Variants in ZBTB1 observed in about 807,000 individuals in gnomAD.
ZBTB1 encodes zinc finger and BTB domain containing 1.
In ZBTB1, 13 loss-of-function variants were observed where a neutral mutation model predicts 51.6. The ratio of observed to expected loss-of-function variants is 0.25; its 90% CI spans 0.16 to 0.40. ZBTB1 has a LOEUF of 0.40. Ranked by LOEUF, ZBTB1 falls within the 10% of genes least tolerant of loss-of-function variation. The pLI, the probability that ZBTB1 is intolerant of heterozygous loss-of-function variation, is 1.00. For missense variants in ZBTB1, 567 were observed against 856.5 expected (o/e 0.66, Z 4.22); for synonymous variants, 240 against 282.2 (o/e 0.85, Z 1.50).
chr14:64,520,862 CT>C (rs146222409), intron 1 of ZBTB1, among the ~76,000 whole-genome samples: 80 of 141,872 alleles, frequency 5.6e-4, no homozygotes, highest in Admixed American at 7.1e-4. Context: ...GAGTTGTTTT[CT>C]TTTTTTTTTT....
chr14:64,523,250 G>A lies in ZBTB1; in HGVS notation c.1746G>A (p.Leu582=). The part of the protein sequence containing the change: ...RDHRRKHFCN[L]CGKGFYQRCH... ...ACAGACGAAAGCATTTTTGTAATCT[G>A]TGTGGAAAAGGATTTTATCAGCGGT... Residue 582 remains leucine (L), a synonymous_variant, in exon 2 of 2, where the codon CTG becomes CTA. Transcript: ENST00000683701. The surrounding 1 kb of genome is among the most constrained non-coding windows in gnomAD (Gnocchi z 4.5). 2 of 1,614,152 alleles carry A rather than the reference G, an allele frequency of 1.2e-6. No homozygotes were observed. Among genetic ancestry groups the A allele is most frequent in the South Asian group, 2.2e-5 (2 of 91,082 alleles).
chr14:64,514,075 A>G lies in ZBTB1; in HGVS notation c.-18-7412A>G, dbSNP rs143510445. On this transcript the variant is annotated intron_variant, in intron 1 of 1. Transcript: ENST00000683701. Reference sequence around the variant, plus strand: ...CACCCTCCATTTCAATGCTCTATCCAGTGTTAGGAACATTATGAGTATTCA... The same window carrying G: ...CACCCTCCATTTCAATGCTCTATCCGGTGTTAGGAACATTATGAGTATTCA... The G allele has an allele frequency of 1.0e-3, 157 of 152,322 alleles. 1 individual carries two copies. Among genetic ancestry groups the G allele is most frequent in the African/African-American group, 3.6e-3 (151 of 41,572 alleles). The allele number at this position is 152,322 out of a possible 1,614,324, so 9.4% of individuals were successfully genotyped here.
chr14:64,517,781 A>ATATATATATATTTTTTT (rs1160337478), intron 1 of ZBTB1, among the ~76,000 whole-genome samples: 3 of 41,560 alleles, frequency 7.2e-5, no homozygotes, highest in Admixed American at 3.3e-4. Context: ...ATATATATAT[A>ATATATATATATTTTTTT]TTTTTTTTTT....
chr14:64,529,390 C>T (rs2079926993), downstream of ZBTB1, among the ~76,000 whole-genome samples: 1 of 152,140 alleles, frequency 6.6e-6, no homozygotes, highest in Admixed American at 6.5e-5. Context: ...GGACTCAAAT[C>T]ATTTGAAAAT....
At chr14:64,515,578 T>TG (rs1181187964) in intron 1 of ZBTB1, among the ~76,000 whole-genome samples, 1 of 150,916 alleles carries the variant, frequency 6.6e-6, no homozygotes, top group Non-Finnish European at 1.5e-5. Context: ...TGGAGTGCAG[T>TG]GGCACAGTCT....
intron 1 of ZBTB1, among the ~76,000 whole-genome samples, chr14:64,515,622 G>A (rs1007404285): frequency 6.7e-6 from 1 of 150,312 alleles, no homozygotes; most frequent in African/African-American, 2.5e-5. Flanking sequence ...CCGAGTTCCC[G>A]CCATTCTCCC....
rs879111753 is a variant in ZBTB1, at chr14:64,522,376, C to G, written c.872C>G (p.Ala291Gly). 3 of 1,614,030 alleles carry G rather than the reference C, an allele frequency of 1.9e-6. No homozygotes were observed. In the South Asian group the frequency reaches 3.3e-5, roughly 18 times the overall value. ...TDKYRGDTSQ[A>G]ADDSASTTGS... ...AAATACAGAGGAGACACAAGCCAGGCTGCTGATGATTCAGCTTCAACCACT... is the reference window on the plus strand; with the variant it reads ...AAATACAGAGGAGACACAAGCCAGGGTGCTGATGATTCAGCTTCAACCACT... The change falls in exon 2 of 2, where the codon GCT becomes GGT. Residue 291 changes from alanine to glycine, a missense_variant. Coordinates refer to ENST00000683701, the MANE Select transcript of ZBTB1 (RefSeq NM_001123329.2).
In ZBTB1 at chr14:64,509,006, A is replaced by C. The variant is rs1405835058; in HGVS notation, c.-19+4060A>C. Among the ~76,000 whole-genome samples the C allele has an allele frequency of 2.0e-5, 3 of 152,230 alleles. No homozygotes were observed. In the East Asian group the frequency reaches 5.8e-4, roughly 29 times the overall value. On this transcript the variant is annotated intron_variant, in intron 1 of 1. Coordinates refer to ENST00000683701, the MANE Select transcript of ZBTB1 (RefSeq NM_001123329.2). ...GTTGGGATGATGCATTATTGGTACC[A>C]TATTGTTGTATGTATAGGCTGTTTT... is the stretch of plus-strand genomic sequence containing the variant.
chr14:64,525,626 G>A (rs2079898183), downstream of ZBTB1, among the ~76,000 whole-genome samples: 1 of 151,988 alleles, frequency 6.6e-6, no homozygotes, highest in African/African-American at 2.4e-5. Flanking sequence ...TTAAAGAATA[G>A]GGCTTTTTCT....
At chr14:64,527,234 G>A (rs1254548730), downstream of ZBTB1, among the ~76,000 whole-genome samples, 1 of 152,054 alleles carries the variant, frequency 6.6e-6, no homozygotes, top group Non-Finnish European at 1.5e-5. Flanking sequence ...CAGCACCTTG[G>A]GAGGCCAAGG....
intron 1 of ZBTB1, among the ~76,000 whole-genome samples, chr14:64,509,321 A>C (rs141566401): frequency 6.6e-6 from 1 of 152,286 alleles, no homozygotes; most frequent in East Asian, 1.9e-4. Context: ...CAGTGAGCCG[A>C]AATTGCCCCA....
At position 64,522,683 on chromosome 14, in the gene ZBTB1, A is replaced by C. The variant is rs1322940175; in HGVS notation, c.1179A>C (p.Ser393=). 1.1e-5 allele frequency: 18 copies of C among 1,614,088 alleles called. No homozygotes were observed. Among genetic ancestry groups the C allele is most frequent in the Non-Finnish European group, 1.5e-5 (18 of 1,180,028 alleles). Residue 393 remains serine, a synonymous_variant, in exon 2 of 2, where the codon TCA becomes TCC. Transcript: ENST00000683701. ...SGRKTLKPRM[S]VSADERGGLE... is the part of the protein sequence containing the mutation. ...GGAAAACTCTAAAACCTCGAATGTC[A>C]GTAAGTGCTGATGAAAGAGGTGGTT...
In ZBTB1 at chr14:64,508,419, C is replaced by A. The variant is rs551873625; in HGVS notation, c.-19+3473C>A. On this transcript the variant is annotated intron_variant, in intron 1 of 1. Transcript: ENST00000683701. ...GGATTTAGGGAAGGGACTGGACATT[C>A]TTCCTGCAAGATGGAGCAGTAAGAG... 3.3e-5 allele frequency among the ~76,000 whole-genome samples: 5 copies of A among 152,100 alleles called. No individual in the cohort carries two copies. In the East Asian group the frequency reaches 7.7e-4, roughly 24 times the overall value.
chr14:64,513,042 G>A (rs542075748), intron 1 of ZBTB1, among the ~76,000 whole-genome samples: 14 of 152,156 alleles, frequency 9.2e-5, no homozygotes, highest in Non-Finnish European at 1.6e-4. Context: ...GAGTCTTATA[G>A]CAGCATCTAC....
At chr14:64,511,663 A>T (rs1358164900) in intron 1 of ZBTB1, among the ~76,000 whole-genome samples, 1 of 152,208 alleles carries the variant, frequency 6.6e-6, no homozygotes, top group Non-Finnish European at 1.5e-5. Flanking sequence ...CCAAGAAGAG[A>T]TTGAAATGGT....
At chr14:64,517,788 T>G (rs868372109) in intron 1 of ZBTB1, among the ~76,000 whole-genome samples, 6 of 123,250 alleles carry the variant, frequency 4.9e-5, no homozygotes, top group Admixed American at 8.1e-5. Context: ...TATATTTTTT[T>G]TTTTTTTTTT....
chr14:64,521,234 G>A (rs1008179919), intron 1 of ZBTB1, among the ~76,000 whole-genome samples: 13 of 152,230 alleles, frequency 8.5e-5, no homozygotes, highest in Non-Finnish European at 1.8e-4. Flanking sequence ...CCCAAGAGTT[G>A]TAATGAAACT....
rs2140177572 is a variant in ZBTB1 at position 64,523,949 on chromosome 14, ATCAATAAGG to A, written c.*305_*313del. The A allele has an allele frequency of 9.5e-7, 1 of 1,049,382 alleles. No individual in the cohort carries two copies. Among genetic ancestry groups the A allele is most frequent in the Non-Finnish European group, 1.2e-6 (1 of 864,000 alleles). 65.0% of individuals were successfully genotyped at this position (1,049,382 alleles called of 1,614,324 possible). On this transcript the variant is annotated 3_prime_UTR_variant, in exon 2 of 2. Coordinates refer to ENST00000683701, the MANE Select transcript of ZBTB1 (RefSeq NM_001123329.2). The surrounding 1 kb of genome is among the most constrained non-coding windows in gnomAD (Gnocchi z 4.5). The stretch of plus-strand genomic sequence containing the variant: ...AATGACTATTAAACTTTAGTTTTTC[ATCAATAAGG>A]TGATGACTTCACTATTTCTATGTGT...
chr14:64,508,252 G>C (rs1442950213), intron 1 of ZBTB1, among the ~76,000 whole-genome samples: 1 of 152,198 alleles, frequency 6.6e-6, no homozygotes, highest in Non-Finnish European at 1.5e-5. Context: ...AAAATTTGAA[G>C]ATTAAAGAAT....
Sources: gnomAD v4.1 joint callset for allele counts (sites outside exome capture counted in the v4.1 genomes callset) on GRCh38, gnomAD v4.1.1 for gene constraint, Gnocchi (gnomAD v3.1) non-coding constraint, MANE v1.5 for transcripts, NCBI Gene and HGNC (gene_info 2026-07-23, HGNC 2026-07-21) for gene names.